ZER1: variants seen among roughly 807,000 people sequenced by gnomAD.
ZER1 encodes zyg-11 related cell cycle regulator, also known as protein zer-1 homolog.
Under a neutral mutation model 78.8 loss-of-function variants are expected in ZER1, and 11 were observed. That is an observed-to-expected ratio of 0.14 (90% CI 0.09 to 0.23). ZER1 has a LOEUF of 0.23. ZER1 is among the 10% of genes least tolerant of loss of function. ZER1 has a pLI of 1.00. For synonymous variants in ZER1, 400 were observed against 407.0 expected, an observed-to-expected ratio of 0.98 and a Z score of 0.21; for missense variants, 588 against 996.9, an observed-to-expected ratio of 0.59 and a Z score of 5.52.
intron 1 of ZER1, among the ~76,000 whole-genome samples, chr9:128,756,615 T>C (rs1863867500): frequency 1.3e-5 from 2 of 152,170 alleles, no homozygotes; most frequent in South Asian, 2.1e-4. Flanking sequence ...GAAAACATTA[T>C]GTTGAGTGAA....
chr9:128,762,897 G>A (rs532377030), intron 1 of ZER1, among the ~76,000 whole-genome samples: 1 of 152,330 alleles, frequency 6.6e-6, no homozygotes, highest in South Asian at 2.1e-4. Flanking sequence ...ACTGGAACCA[G>A]AGGGAGCACT....
At position 128,752,898 on chromosome 9, in the gene ZER1, G is replaced by A. The variant is rs77320408; in HGVS notation, c.747-49C>T. 2,193 of 1,575,924 alleles carry A rather than the reference G, an allele frequency of 1.4e-3. 32 individuals carry two copies. The African/African-American group carries it at 0.026, about 19-fold the overall frequency. ...AGGTTAGGAGCTGGGTACAGGGTGG[G>A]GCTGCCTTGCAGATCCCAGCTCCTT... is the stretch of plus-strand genomic sequence containing the variant. On this transcript the variant is annotated intron_variant, in intron 4 of 15. Coordinates refer to ENST00000291900, the MANE Select transcript of ZER1 (RefSeq NM_006336.4).
At chr9:128,744,185 CTG>C (rs1589525103) in intron 8 of ZER1, among the ~76,000 whole-genome samples, 1 of 152,032 alleles carries the variant, frequency 6.6e-6, no homozygotes, top group East Asian at 1.9e-4. Context: ...GCATGAGCCA[CTG>C]TGCCCAGCAT....
chr9:128,735,818 C>G (rs1863057492), intron 13 of ZER1, among the ~76,000 whole-genome samples: 1 of 130,086 alleles, frequency 7.7e-6, no homozygotes, highest in Non-Finnish European at 1.5e-5. Context: ...CGCTCTGTTG[C>G]CCAGGCTGGG....
intron 14 of ZER1, among the ~76,000 whole-genome samples, chr9:128,734,846 G>GTT (rs71497406): frequency 2.2e-4 from 31 of 142,950 alleles, no homozygotes; most frequent in African/African-American, 5.3e-4. Flanking sequence ...GATGGTATGT[G>GTT]TTTTTTTTTT....
chr9:128,744,284 C>A (rs755741324), intron 8 of ZER1, among the ~76,000 whole-genome samples: 11 of 151,924 alleles, frequency 7.2e-5, no homozygotes, highest in Admixed American at 2.0e-4. Context: ...CTCTGCCTCG[C>A]GGGTCCAAGC....
Position 128,753,725 on chromosome 9 carries a change from G to A in ZER1, c.309+84C>T. ...CACAGTCACGGTGCACACTGGCTGGGCTGGGGATGGCTGGGCTGGAGGCGA... is the reference window on the plus strand; with the variant it reads ...CACAGTCACGGTGCACACTGGCTGGACTGGGGATGGCTGGGCTGGAGGCGA... On this transcript the variant is annotated intron_variant, in intron 3 of 15. Transcript: ENST00000291900. This position sits in a 1 kb window ranked among gnomAD's most constrained non-coding sequence, Gnocchi z 7.5. The A allele has an allele frequency of 2.6e-6, 4 of 1,558,522 alleles. No individual in the cohort carries two copies. In the Admixed American group the frequency reaches 7.5e-5, roughly 29 times the overall value.
Position 128,751,212 on chromosome 9 carries a change from C to T in ZER1, c.1095G>A (p.Glu365=). ...QVLNAIEAYT[E]HRPEITSRAI... is the part of the protein sequence containing the mutation. ...CCCGCGAGGTGATCTCAGGCCGGTG[C>T]TCCGTGTAGGCCTCGATGGCATTCA... The change falls in exon 7 of 16, where the codon GAG becomes GAA. Residue 365 remains glutamate, a synonymous_variant. Coordinates refer to ENST00000291900, the MANE Select transcript of ZER1 (RefSeq NM_006336.4). The surrounding 1 kb of genome is among the most constrained non-coding windows in gnomAD (Gnocchi z 5.4). The T allele has an allele frequency of 6.2e-7, 1 of 1,609,398 alleles. No individual in the cohort carries two copies. The highest frequency in any genetic ancestry group is 8.5e-7 in the Non-Finnish European group (1 of 1,176,104).
chr9:128,767,249 T>C (rs1346724558), intron 1 of ZER1, among the ~76,000 whole-genome samples: 1 of 151,006 alleles, frequency 6.6e-6, no homozygotes. Context: ...GGCCTATTTA[T>C]TTATTTTTCT....
At chr9:128,765,374 G>T (rs2132486863) in intron 1 of ZER1, among the ~76,000 whole-genome samples, 1 of 152,346 alleles carries the variant, frequency 6.6e-6, no homozygotes, top group East Asian at 1.9e-4. Context: ...CTGCAAGATA[G>T]AGATTATTAC....
At position 128,740,947 on chromosome 9, in the gene ZER1, A is replaced by ATTGT; in HGVS notation, c.1738-64_1738-61dup. 1.3e-6 allele frequency: 1 copy of ATTGT among 759,576 alleles called. No individual in the cohort carries two copies. The highest frequency in any genetic ancestry group is 2.5e-6 in the Non-Finnish European group (1 of 406,192). 47.1% of individuals were successfully genotyped at this position (759,576 alleles called of 1,614,324 possible). A position where few individuals can be genotyped will look rare whatever the true frequency, so the allele number is the denominator to read the frequency against. On this transcript the variant is annotated intron_variant, in intron 11 of 15. Coordinates refer to ENST00000291900, the MANE Select transcript of ZER1 (RefSeq NM_006336.4). The surrounding 1 kb of genome is among the most constrained non-coding windows in gnomAD (Gnocchi z 4.4). The stretch of plus-strand genomic sequence containing the variant: ...AGTACTTAATGACTTAGTATCTGGT[A>ATTGT]TTGTTAACCAAAAAGCTTCATGGGC...
In ZER1 at chr9:128,753,142, G is replaced by A. The variant is rs1466423337; in HGVS notation, c.746+22C>T. The A allele has an allele frequency of 3.3e-6, 5 of 1,509,556 alleles. No individual in the cohort carries two copies. The East Asian group carries it at 1.2e-4, about 37-fold the overall frequency. The allele number at this position is 1,509,556 out of a possible 1,614,324, so 93.5% of individuals were successfully genotyped here. ...CCTGCCCCCCAAACCCCACCCTGGT[G>A]AGCTCTGGGCCAGGAGCTCACCGCA... On this transcript the variant is annotated intron_variant, in intron 4 of 15. Transcript: ENST00000291900. The surrounding 1 kb of genome is among the most constrained non-coding windows in gnomAD (Gnocchi z 7.5).
At chr9:128,749,480 A>T (rs138283221) in intron 8 of ZER1, among the ~76,000 whole-genome samples, 349 of 152,150 alleles carry the variant, frequency 2.3e-3, no homozygotes, top group Middle Eastern at 6.8e-3. Flanking sequence ...AGTTTTTGTT[A>T]TATAAATATG....
At chr9:128,770,287 C>T (rs1292492551) in intron 1 of ZER1, among the ~76,000 whole-genome samples, 4 of 151,994 alleles carry the variant, frequency 2.6e-5, no homozygotes, top group Non-Finnish European at 5.9e-5. Flanking sequence ...CCACGGCCAG[C>T]TAATTTTTTT....
chr9:128,768,878 T>C (rs1864296735), intron 1 of ZER1, among the ~76,000 whole-genome samples: 1 of 152,090 alleles, frequency 6.6e-6, no homozygotes, highest in Non-Finnish European at 1.5e-5. Context: ...TGTCTCCAAG[T>C]CACATTCATT....
rs940110925 is a variant in ZER1, at chr9:128,735,918, C to T, written c.2043-487G>A. On this transcript the variant is annotated intron_variant, in intron 13 of 15. Transcript: ENST00000291900. Reference sequence around the variant, plus strand: ...TCAGCCTCCTGAGTAACTGAGACTACAGGGGTGTGCCACCACACCCAGCTA... The same window carrying T: ...TCAGCCTCCTGAGTAACTGAGACTATAGGGGTGTGCCACCACACCCAGCTA... Among the ~76,000 whole-genome samples the T allele has an allele frequency of 3.3e-5, 5 of 151,622 alleles. No individual in the cohort carries two copies. The East Asian group carries it at 7.7e-4, about 23-fold the overall frequency.
intron 1 of ZER1, among the ~76,000 whole-genome samples, chr9:128,769,407 T>C (rs567681680): frequency 6.8e-4 from 103 of 151,834 alleles, no homozygotes; most frequent in Non-Finnish European, 1.1e-3. Flanking sequence ...TTTTCTTTTC[T>C]TTCTTTCTTT....
At position 128,754,148 on chromosome 9, in the gene ZER1, T is replaced by C. The variant is rs1863782235; in HGVS notation, c.159-189A>G. On this transcript the variant is annotated intron_variant, in intron 2 of 15. Coordinates refer to ENST00000291900, the MANE Select transcript of ZER1 (RefSeq NM_006336.4). This position sits in a 1 kb window ranked among gnomAD's most constrained non-coding sequence, Gnocchi z 4.3. ...TAAGGGTGCCCAGGAACCAGGAATCTAAAGGCAGCTCTCTGGGAGACCTTC... is the reference window on the plus strand; with the variant it reads ...TAAGGGTGCCCAGGAACCAGGAATCCAAAGGCAGCTCTCTGGGAGACCTTC... 6.6e-6 allele frequency among the ~76,000 whole-genome samples: 1 copy of C among 152,130 alleles called. No homozygotes were observed. The highest frequency in any genetic ancestry group is 6.5e-5 in the Admixed American group (1 of 15,274).
rs1207392969 is a variant in ZER1 at position 128,732,950 on chromosome 9, T to A, written c.2243+476A>T. 6.4e-6 allele frequency: 1 copy of A among 155,760 alleles called. No homozygotes were observed. Among genetic ancestry groups the A allele is most frequent in the African/African-American group, 2.4e-5 (1 of 41,590 alleles). The allele number at this position is 155,760 out of a possible 1,614,324, so 9.6% of individuals were successfully genotyped here. On this transcript the variant is annotated intron_variant, in intron 15 of 15. Transcript: ENST00000291900. This position sits in a 1 kb window ranked among gnomAD's most constrained non-coding sequence, Gnocchi z 4.8. Reference sequence around the variant, plus strand: ...GAACTGGAGGCGGTGACATTTTAGATGCTGCAGTGAAAGCCACAGAGCCAC... The same window carrying A: ...GAACTGGAGGCGGTGACATTTTAGAAGCTGCAGTGAAAGCCACAGAGCCAC...
Sources: allele counts gnomAD v4.1 joint callset (sites outside exome capture counted in the v4.1 genomes callset), GRCh38; gene constraint gnomAD v4.1.1; non-coding constraint Gnocchi (gnomAD v3.1); transcripts MANE v1.5; gene names NCBI Gene and HGNC (gene_info 2026-07-23, HGNC 2026-07-21).